Variants in SCAI observed in about 807,000 individuals in gnomAD.
SCAI encodes suppressor of cancer cell invasion, also known as protein SCAI.
Under a neutral mutation model 92.2 loss-of-function variants are expected in SCAI, and 24 were observed. That is an observed-to-expected ratio of 0.26 (90% CI 0.19 to 0.37). The LOEUF is 0.37. SCAI is among the 10% of genes least tolerant of loss of function. The probability of loss-of-function intolerance (pLI) is 1.00; values close to 1 mark genes in which losing one functional copy is unlikely to be tolerated. For synonymous variants in SCAI, 261 were observed against 258.6 expected (o/e 1.01, Z -0.09); for missense variants, 450 against 736.2 (o/e 0.61, Z 4.50).
intron 12 of SCAI, among the ~76,000 whole-genome samples, chr9:125,000,890 T>C (rs1832344613): frequency 6.6e-6 from 1 of 152,142 alleles, no homozygotes; most frequent in African/African-American, 2.4e-5. Context: ...GCTAAACTCT[T>C]GTCCAAATGG....
chr9:125,137,762 G>A (rs926935203), intron 2 of SCAI, among the ~76,000 whole-genome samples: 13 of 151,920 alleles, frequency 8.6e-5, no homozygotes, highest in Non-Finnish European at 1.6e-4. Context: ...CACCATGCCC[G>A]GCTAATTTTT....
chr9:124,944,544 C>A lies in SCAI; in HGVS notation c.*8263G>T, dbSNP rs1231328956. ...GTATTGCCCAGACTGGTCTCCAACT[C>A]CTGAGTAATAAAAATTCTTATTGTG... On this transcript the variant is annotated 3_prime_UTR_variant, in exon 18 of 18. Coordinates refer to ENST00000336505, the MANE Select transcript of SCAI (RefSeq NM_001144877.3). 1 of 144,544 alleles carries A rather than the reference C, an allele frequency of 6.9e-6. No individual in the cohort carries two copies. The highest frequency in any genetic ancestry group is 2.6e-5 in the African/African-American group (1 of 38,756). 9.0% of individuals were successfully genotyped at this position (144,544 alleles called of 1,614,324 possible). A position where few individuals can be genotyped will look rare whatever the true frequency, so the allele number is the denominator to read the frequency against.
rs892366057 is a variant in SCAI, at chr9:124,990,089, G to A, written c.1326+4845C>T. 1.2e-4 allele frequency among the ~76,000 whole-genome samples: 19 copies of A among 152,108 alleles called. No individual in the cohort carries two copies. The East Asian group carries it at 3.1e-3, about 25-fold the overall frequency. On this transcript the variant is annotated intron_variant, in intron 14 of 17. Coordinates refer to ENST00000336505, the MANE Select transcript of SCAI (RefSeq NM_001144877.3). ...CTCAGGAGGCTAAGGCAGGAGAATG[G>A]CCTGAACTTGGGGAGCAGAGGTTAC...
chr9:124,967,651 T>C (rs1831566891), intron 17 of SCAI, among the ~76,000 whole-genome samples: 1 of 150,072 alleles, frequency 6.7e-6, no homozygotes, highest in Non-Finnish European at 1.5e-5. Flanking sequence ...AATGAAAAAA[T>C]AATAAAAAAA....
chr9:124,963,254 A>G (rs926015867), intron 17 of SCAI, among the ~76,000 whole-genome samples: 3 of 151,158 alleles, frequency 2.0e-5, no homozygotes, highest in African/African-American at 7.3e-5. Context: ...CTCCTGTCTC[A>G]GCCTCCCGAG....
chr9:124,942,915 TCA>T lies in SCAI; in HGVS notation c.*9890_*9891del, dbSNP rs754704601. ...AGCCTACTGAATCCGCTCTGCAGAA[TCA>T]CAGTGTTTACTCTGAAATTCATTTA... On this transcript the variant is annotated 3_prime_UTR_variant, in exon 18 of 18. Coordinates refer to ENST00000336505, the MANE Select transcript of SCAI (RefSeq NM_001144877.3). The T allele has an allele frequency of 6.6e-6, 1 of 152,254 alleles. No individual in the cohort carries two copies. The highest frequency in any genetic ancestry group is 1.5e-5 in the Non-Finnish European group (1 of 68,046). The allele number at this position is 152,254 out of a possible 1,614,324, so 9.4% of individuals were successfully genotyped here. A position where few individuals can be genotyped will look rare whatever the true frequency, so the allele number is the denominator to read the frequency against.
At chr9:124,980,244 T>C (rs2131599704) in intron 14 of SCAI, among the ~76,000 whole-genome samples, 1 of 152,066 alleles carries the variant, frequency 6.6e-6, no homozygotes, top group South Asian at 2.1e-4. Flanking sequence ...AAATGGACAT[T>C]GCTATTATTT....
chr9:125,089,689 G>A (rs618059), intron 2 of SCAI, among the ~76,000 whole-genome samples: 2 of 151,726 alleles, frequency 1.3e-5, no homozygotes, highest in Non-Finnish European at 2.9e-5. Context: ...TTGGGGTTGG[G>A]GGGGGCAGTG....
At chr9:125,037,309 A>T (rs1391298752) in intron 3 of SCAI, among the ~76,000 whole-genome samples, 1 of 151,758 alleles carries the variant, frequency 6.6e-6, no homozygotes, top group Admixed American at 6.6e-5. Context: ...TGGTAGGACT[A>T]CATGCCTATG....
At chr9:125,077,971 C>T (rs1168330595) in intron 2 of SCAI, among the ~76,000 whole-genome samples, 1 of 152,036 alleles carries the variant, frequency 6.6e-6, no homozygotes, top group African/African-American at 2.4e-5. Context: ...CACACCCCCC[C>T]CGCCTCCCAA....
At chr9:125,039,034 T>C (rs538461926) in intron 3 of SCAI, among the ~76,000 whole-genome samples, 10 of 152,348 alleles carry the variant, frequency 6.6e-5, no homozygotes, top group African/African-American at 1.7e-4. Context: ...GCTCTCAGTA[T>C]GTATACTGTG....
intron 2 of SCAI, among the ~76,000 whole-genome samples, chr9:125,125,909 TACACACACAC>T (rs10554292): frequency 4.3e-4 from 60 of 137,996 alleles, no homozygotes; most frequent in African/African-American, 1.2e-3. Flanking sequence ...TGCGTACACG[TACACACACAC>T]ACACACACAC....
chr9:124,996,078 C>T (rs1832233295), intron 13 of SCAI, among the ~76,000 whole-genome samples: 1 of 151,854 alleles, frequency 6.6e-6, no homozygotes, highest in African/African-American at 2.4e-5. Context: ...CTTTTATTGA[C>T]AAATAAAAAT....
chr9:125,140,195 A>G (rs1835633787), intron 2 of SCAI, among the ~76,000 whole-genome samples: 1 of 151,860 alleles, frequency 6.6e-6, no homozygotes, highest in Non-Finnish European at 1.5e-5. Context: ...TTGACAACAG[A>G]GCCAAGCCCT....
chr9:124,944,046 C>T lies in SCAI; in HGVS notation c.*8761G>A, dbSNP rs1831101280. 6.6e-6 allele frequency: 1 copy of T among 152,144 alleles called. No homozygotes were observed. The highest frequency in any genetic ancestry group is 2.1e-4 in the South Asian group (1 of 4,834). The allele number at this position is 152,144 out of a possible 1,614,324, so 9.4% of individuals were successfully genotyped here. On this transcript the variant is annotated 3_prime_UTR_variant, in exon 18 of 18. Coordinates refer to ENST00000336505, the MANE Select transcript of SCAI (RefSeq NM_001144877.3). ...GCCTTTCCTATTATCTAAGATGTTT[C>T]TACCTCAACTGGAAGAATCATCCAA... is the stretch of plus-strand genomic sequence containing the variant.
intron 2 of SCAI, among the ~76,000 whole-genome samples, chr9:125,109,957 G>C (rs1834899221): frequency 6.6e-6 from 1 of 152,050 alleles, no homozygotes; most frequent in African/African-American, 2.4e-5. Context: ...CAAAGTGCTG[G>C]GATTACAGGC....
chr9:125,037,321 T>C (rs1299140875), intron 3 of SCAI, among the ~76,000 whole-genome samples: 1 of 150,422 alleles, frequency 6.6e-6, no homozygotes, highest in Non-Finnish European at 1.5e-5. Context: ...ATGCCTATGG[T>C]CACAGCTCCC....
intron 2 of SCAI, among the ~76,000 whole-genome samples, chr9:125,116,492 A>G (rs1835049545): frequency 6.6e-6 from 1 of 152,146 alleles, no homozygotes; most frequent in Non-Finnish European, 1.5e-5. Flanking sequence ...GATACCAGGA[A>G]TATAGGATAG....
rs748682841 is a variant in SCAI at position 124,976,197 on chromosome 9, T to A, written c.1327-11A>T. ...CAAGTTTGTGAAATTCTGTAATATA[T>A]AAGAATTTAAAACTTGCATTAAAGA... On this transcript the variant is annotated splice_polypyrimidine_tract_variant and intron_variant, in intron 14 of 17. Transcript: ENST00000336505. The A allele has an allele frequency of 3.2e-6, 5 of 1,568,552 alleles. No individual in the cohort carries two copies. The African/African-American group carries it at 6.8e-5, about 21-fold the overall frequency.
Sources: gnomAD v4.1 joint callset for allele counts (sites outside exome capture counted in the v4.1 genomes callset) on GRCh38, gnomAD v4.1.1 for gene constraint, MANE v1.5 for transcripts, NCBI Gene and HGNC (gene_info 2026-07-23, HGNC 2026-07-21) for gene names.